The following PIEZO2 variants were observed in gnomAD, a reference collection of about 807,000 sequenced individuals.
PIEZO2 encodes piezo type mechanosensitive ion channel component 2, also known as piezo-type mechanosensitive ion channel component 2.
In PIEZO2, 172 loss-of-function variants were observed where a neutral mutation model predicts 337.3. The observed-to-expected ratio is 0.51, with a 90% CI of 0.45 to 0.58. The LOEUF is 0.58. PIEZO2 is among the 20% of genes least tolerant of loss of function. PIEZO2 has a pLI of 0.00. For synonymous variants in PIEZO2, 1,251 were observed against 1,228.5 expected (o/e 1.02, Z -0.38); for missense variants, 3,028 against 3,391.3 (o/e 0.89, Z 2.66).
In PIEZO2 at chr18:10,677,574, T is replaced by C. The variant is rs1242477246; in HGVS notation, c.8081+173A>G. On this transcript the variant is annotated intron_variant, in intron 53 of 55. Coordinates refer to ENST00000674853, the MANE Select transcript of PIEZO2 (RefSeq NM_001378183.1). The surrounding 1 kb of genome is among the most constrained non-coding windows in gnomAD (Gnocchi z 4.1). ...TGGGGACAGTGGACAGAAAACTCCA[T>C]AGCTGAGATTAAGTTTCTTTAATCT... 5 of 700,476 alleles carry C rather than the reference T, an allele frequency of 7.1e-6. No individual in the cohort carries two copies. The highest frequency in any genetic ancestry group is 1.1e-5 in the Non-Finnish European group (5 of 444,804). 43.4% of individuals were successfully genotyped at this position (700,476 alleles called of 1,614,324 possible). A position where few individuals can be genotyped will look rare whatever the true frequency, so the allele number is the denominator to read the frequency against.
intron 18 of PIEZO2, among the ~76,000 whole-genome samples, chr18:10,778,256 G>A (rs2038856963): frequency 6.6e-6 from 1 of 151,886 alleles, no homozygotes; most frequent in African/African-American, 2.4e-5. Context: ...ACTGCATACA[G>A]CATTTCAGAA....
At chr18:10,694,297 T>C (rs1221655406) in intron 47 of PIEZO2, among the ~76,000 whole-genome samples, 1 of 152,212 alleles carries the variant, frequency 6.6e-6, no homozygotes, top group Non-Finnish European at 1.5e-5. Flanking sequence ...CTCTGGCTAC[T>C]GTTAGAAGCA....
At chr18:10,860,306 C>T (rs1271387232) in intron 5 of PIEZO2, among the ~76,000 whole-genome samples, 1 of 152,142 alleles carries the variant, frequency 6.6e-6, no homozygotes, top group Non-Finnish European at 1.5e-5. Context: ...CAGATCTATG[C>T]CATCTCCTTG....
chr18:11,029,738 C>CCT (rs2145755008), intron 2 of PIEZO2, among the ~76,000 whole-genome samples: 1 of 152,068 alleles, frequency 6.6e-6, no homozygotes, highest in East Asian at 1.9e-4. Flanking sequence ...CTTGAGGACC[C>CCT]CTCTCCCTCC....
chr18:10,737,298 C>CAAAA (rs962564265), intron 33 of PIEZO2, among the ~76,000 whole-genome samples: 1,346 of 104,606 alleles, frequency 0.013, 30 homozygotes, highest in African/African-American at 0.052. Context: ...AAAAAAAAAA[C>CAAAA]AAAAAAACAC....
At chr18:11,072,605 T>G (rs1003755492) in intron 1 of PIEZO2, among the ~76,000 whole-genome samples, 1 of 152,244 alleles carries the variant, frequency 6.6e-6, no homozygotes, top group African/African-American at 2.4e-5. Context: ...TCTATGCATT[T>G]CACGTCAATT....
chr18:10,923,909 A>G (rs1206769855), intron 3 of PIEZO2, among the ~76,000 whole-genome samples: 1 of 152,206 alleles, frequency 6.6e-6, no homozygotes, highest in Admixed American at 6.5e-5. Context: ...CAGTCAAGGC[A>G]TCTCTAAAAT....
At chr18:10,751,546 A>G (rs1016369530) in intron 28 of PIEZO2, among the ~76,000 whole-genome samples, 1 of 152,204 alleles carries the variant, frequency 6.6e-6, no homozygotes. Flanking sequence ...TTATCCAAAT[A>G]CCTATTCATG....
At chr18:11,024,657 T>G (rs1385184484) in intron 2 of PIEZO2, among the ~76,000 whole-genome samples, 1 of 152,094 alleles carries the variant, frequency 6.6e-6, no homozygotes, top group Non-Finnish European at 1.5e-5. Context: ...TTCGTTTTTT[T>G]GAGACGGAGT....
Position 10,750,659 on chromosome 18 carries a change from C to G in PIEZO2, c.4168-472G>C, listed in dbSNP as rs941155483. On this transcript the variant is annotated intron_variant, in intron 28 of 55. Transcript: ENST00000674853. The surrounding 1 kb of genome is among the most constrained non-coding windows in gnomAD (Gnocchi z 4.1). ...GTATGTGTTTTGAGTCTTGTTTGAC[C>G]AATTCTCTCGGTAAAGGAGTATTTT... 2.6e-5 allele frequency among the ~76,000 whole-genome samples: 4 copies of G among 152,118 alleles called. No individual in the cohort carries two copies. The highest frequency in any genetic ancestry group is 5.9e-5 in the Non-Finnish European group (4 of 68,026).
intron 4 of PIEZO2, among the ~76,000 whole-genome samples, chr18:10,882,048 T>A (rs1462668399): frequency 1.3e-5 from 2 of 152,208 alleles, no homozygotes; most frequent in Non-Finnish European, 2.9e-5. Context: ...TTTACACGTA[T>A]CCTAATCAAA....
intron 2 of PIEZO2, among the ~76,000 whole-genome samples, chr18:11,046,325 C>A (rs2037313061): frequency 6.6e-6 from 1 of 152,240 alleles, no homozygotes; most frequent in Non-Finnish European, 1.5e-5. Flanking sequence ...TCTCAGCTCA[C>A]TCCTATGGGA....
In PIEZO2 at chr18:10,834,101, G is replaced by T. The variant is rs1283175844; in HGVS notation, c.917+21252C>A. Among the ~76,000 whole-genome samples, 2 of 152,216 alleles carry T rather than the reference G, an allele frequency of 1.3e-5. No individual in the cohort carries two copies. Among genetic ancestry groups the T allele is most frequent in the African/African-American group, 4.8e-5 (2 of 41,446 alleles). On this transcript the variant is annotated intron_variant, in intron 7 of 55. Transcript: ENST00000674853. This position sits in a 1 kb window ranked among gnomAD's most constrained non-coding sequence, Gnocchi z 4.5. Reference sequence around the variant, plus strand: ...CATGCAATGTGTAACAATCACATCAGGGTAAGTGGGGTGTCCATCACCTAC... The same window carrying T: ...CATGCAATGTGTAACAATCACATCATGGTAAGTGGGGTGTCCATCACCTAC...
Position 10,775,422 on chromosome 18 carries a change from T to C in PIEZO2, c.2535-1384A>G, listed in dbSNP as rs1457805165. On this transcript the variant is annotated intron_variant, in intron 18 of 55. Transcript: ENST00000674853. The surrounding 1 kb of genome is among the most constrained non-coding windows in gnomAD (Gnocchi z 4.3). ...TTGTTCTCTTCAGGGATGCATTTTA[T>C]AAATGAAAAGATACCTTTATTAAGA... Among the ~76,000 whole-genome samples, 1 of 152,208 alleles carries C rather than the reference T, an allele frequency of 6.6e-6. No homozygotes were observed. Among genetic ancestry groups the C allele is most frequent in the Non-Finnish European group, 1.5e-5 (1 of 68,038 alleles).
chr18:10,777,523 C>T (rs1459674511), intron 18 of PIEZO2, among the ~76,000 whole-genome samples: 1 of 152,208 alleles, frequency 6.6e-6, no homozygotes, highest in Admixed American at 6.5e-5. Context: ...ACTGGAGATA[C>T]ATCCTTATTT....
Position 10,676,504 on chromosome 18 carries a change from T to C in PIEZO2, c.8082-1216A>G, listed in dbSNP as rs1274105333. Among the ~76,000 whole-genome samples the C allele has an allele frequency of 6.6e-6, 1 of 152,248 alleles. No homozygotes were observed. The highest frequency in any genetic ancestry group is 2.4e-5 in the African/African-American group (1 of 41,460). ...AGTGGCAGGATAGTATTTTGAGATA[T>C]ATAATATGTTTTTTTCCAAATTTCC... is the stretch of plus-strand genomic sequence containing the variant. On this transcript the variant is annotated intron_variant, in intron 53 of 55. Transcript: ENST00000674853. The surrounding 1 kb of genome is among the most constrained non-coding windows in gnomAD (Gnocchi z 5.1).
chr18:10,892,517 G>T (rs72975083), intron 4 of PIEZO2, among the ~76,000 whole-genome samples: 5 of 152,258 alleles, frequency 3.3e-5, no homozygotes, highest in Non-Finnish European at 7.4e-5. Context: ...GACTCTTTTT[G>T]GGGATAATGA....
intron 49 of PIEZO2, among the ~76,000 whole-genome samples, chr18:10,684,155 CTTTTTTTTTTTTTT>C (rs71169941): frequency 3.3e-5 from 2 of 61,396 alleles, no homozygotes; most frequent in African/African-American, 1.3e-4. Flanking sequence ...TGTCTTTCCT[CTTTTTTTTTTTTTT>C]TTTTTTTTTT....
At chr18:10,923,994 G>A (rs536111368) in intron 3 of PIEZO2, among the ~76,000 whole-genome samples, 2 of 152,342 alleles carry the variant, frequency 1.3e-5, no homozygotes, top group African/African-American at 4.8e-5. Flanking sequence ...CTGGCACAAA[G>A]TAGGTGGTAG....
Sources: allele counts gnomAD v4.1 joint callset (sites outside exome capture counted in the v4.1 genomes callset), GRCh38; gene constraint gnomAD v4.1.1; non-coding constraint Gnocchi (gnomAD v3.1); transcripts MANE v1.5; gene names NCBI Gene and HGNC (gene_info 2026-07-23, HGNC 2026-07-21).